Variants in BAZ2B observed in about 807,000 individuals in gnomAD.
The protein encoded by BAZ2B is bromodomain adjacent to zinc finger domain 2B, also known as bromodomain adjacent to zinc finger domain protein 2B.
BAZ2B carries 91 observed loss-of-function variants against 246.0 expected under a neutral mutation model. The ratio of observed to expected loss-of-function variants is 0.37; its 90% CI spans 0.31 to 0.44. The LOEUF is 0.44. Ranked by LOEUF, BAZ2B falls within the 20% of genes least tolerant of loss-of-function variation. The pLI, the probability that BAZ2B is intolerant of heterozygous loss-of-function variation, is 1.00. For synonymous variants in BAZ2B, 855 were observed against 860.0 expected (o/e 0.99, Z 0.10); for missense variants, 2,332 against 2,533.7 (o/e 0.92, Z 1.71).
chr2:159,674,082 C>A, the BAZ2B span, among the ~76,000 whole-genome samples: 4 of 151,564 alleles, frequency 2.6e-5, no homozygotes, highest in African/African-American at 9.7e-5. Context: ...GTGGCTGATA[C>A]TTGTAATCCC....
intron 31 of BAZ2B, among the ~76,000 whole-genome samples, chr2:159,338,303 G>A (rs2148984794): frequency 6.6e-6 from 1 of 152,254 alleles, no homozygotes; most frequent in African/African-American, 2.4e-5. Context: ...TAACATGAAA[G>A]GATCCTGATA....
intron 2 of BAZ2B, among the ~76,000 whole-genome samples, chr2:159,525,743 A>C (rs188890254): frequency 1.5e-3 from 227 of 152,340 alleles, no homozygotes; most frequent in Non-Finnish European, 2.6e-3. Context: ...TGACTCAATC[A>C]ATCAGTAAAG....
chr2:159,574,415 CA>C (rs780581546), intron 1 of BAZ2B, among the ~76,000 whole-genome samples: 7 of 152,066 alleles, frequency 4.6e-5, no homozygotes, highest in Non-Finnish European at 8.8e-5. Flanking sequence ...AACCCTTACA[CA>C]ATGCCAGTGG....
intron 21 of BAZ2B, 120 bp from the exon 22 acceptor site, chr2:159,386,727 T>C (rs1343787321): frequency 8.5e-7 from 1 of 1,177,010 alleles, no homozygotes; most frequent in African/African-American, 1.6e-5. Context: ...ATTGTACCAG[T>C]AGCTTCCTTT....
At chr2:159,424,422 G>GA (rs1183518007) in intron 13 of BAZ2B, among the ~76,000 whole-genome samples, 5 of 152,004 alleles carry the variant, frequency 3.3e-5, no homozygotes, top group African/African-American at 1.2e-4. Flanking sequence ...ATAAACTAGA[G>GA]AAAAACCCAG....
intron 13 of BAZ2B, among the ~76,000 whole-genome samples, chr2:159,422,867 A>AC (rs2069017355): frequency 2.0e-5 from 3 of 152,198 alleles, no homozygotes; most frequent in Non-Finnish European, 4.4e-5. Flanking sequence ...CAAACAAAAA[A>AC]TAACCCCATT....
chr2:159,440,523 T>TTG (rs1390062499), intron 6 of BAZ2B, among the ~76,000 whole-genome samples: 2 of 151,654 alleles, frequency 1.3e-5, no homozygotes, highest in South Asian at 2.1e-4. Context: ...TCTTGTTTTT[T>TTG]TTTTTTTTTT....
At chr2:159,323,697 G>A (rs1172629286) in intron 36 of BAZ2B, among the ~76,000 whole-genome samples, 2 of 151,814 alleles carry the variant, frequency 1.3e-5, no homozygotes, top group East Asian at 3.9e-4. Context: ...CCAGCTACTT[G>A]GGAGGCTGAG....
intron 8 of BAZ2B, chr2:159,438,079 G>C: frequency 2.2e-6 from 1 of 449,022 alleles, no homozygotes; most frequent in Non-Finnish European, 3.9e-6. Flanking sequence ...TTGCAGGGGA[G>C]CTGGAATGAC....
At chr2:159,361,665 T>C (rs771448020) in intron 27 of BAZ2B, among the ~76,000 whole-genome samples, 10 of 152,198 alleles carry the variant, frequency 6.6e-5, no homozygotes, top group African/African-American at 1.4e-4. Flanking sequence ...TGTATGTTTA[T>C]TGCAGCACTG....
At chr2:159,587,705 T>G (rs1395299278) in intron 1 of BAZ2B, among the ~76,000 whole-genome samples, 1 of 152,130 alleles carries the variant, frequency 6.6e-6, no homozygotes, top group Non-Finnish European at 1.5e-5. Flanking sequence ...AATCTAATTC[T>G]CCGGATGTAC....
Position 159,324,852 on chromosome 2 carries a change from A to T in BAZ2B, c.6312T>A (p.Pro2104=). The T allele has an allele frequency of 6.5e-7, 1 of 1,547,502 alleles. No homozygotes were observed. The highest frequency in any genetic ancestry group is 1.7e-4 in the Middle Eastern group (1 of 5,916). The change falls in exon 36 of 37, where the codon CCT becomes CCA. Residue 2104 remains proline, a synonymous_variant. Coordinates refer to ENST00000392783, the MANE Select transcript of BAZ2B (RefSeq NM_013450.4). Reference sequence around the variant, plus strand: ...TCTCTCTAATTGTGGAAAAATCCATAGGCTTCTTAATAACTTTCTTATAAC... The same window carrying T: ...TCTCTCTAATTGTGGAAAAATCCATTGGCTTCTTAATAACTTTCTTATAAC... ...VPGYKKVIKK[P]MDFSTIREKL...
intron 14 of BAZ2B, among the ~76,000 whole-genome samples, chr2:159,405,633 A>G (rs1462634872): frequency 6.6e-6 from 1 of 152,248 alleles, no homozygotes; most frequent in Non-Finnish European, 1.5e-5. Context: ...GGAAATAATC[A>G]AATTATTTCA....
intron 3 of BAZ2B, chr2:159,461,093 A>C (rs1053461753): frequency 6.6e-6 from 1 of 152,556 alleles, no homozygotes; most frequent in African/African-American, 2.4e-5. Flanking sequence ...CTGTTCCTTG[A>C]CTATATTACT....
the BAZ2B span, among the ~76,000 whole-genome samples, chr2:159,677,132 C>A: frequency 1.3e-5 from 2 of 150,798 alleles, no homozygotes; most frequent in African/African-American, 4.9e-5. Flanking sequence ...TAGTTACCAA[C>A]AAACACATAT....
chr2:159,440,788 T>C (rs145158223), intron 6 of BAZ2B, among the ~76,000 whole-genome samples: 8 of 152,164 alleles, frequency 5.3e-5, no homozygotes, highest in South Asian at 2.1e-4. Context: ...GGATTACAGG[T>C]GTGAGCCACC....
At chr2:159,703,039 G>A in the BAZ2B span, among the ~76,000 whole-genome samples, 29 of 147,304 alleles carry the variant, frequency 2.0e-4, no homozygotes, top group Non-Finnish European at 4.4e-4. Flanking sequence ...GCAAGACTCC[G>A]TCTCAAAACA....
intron 2 of BAZ2B, among the ~76,000 whole-genome samples, chr2:159,551,282 A>G (rs924113561): frequency 2.6e-5 from 4 of 152,124 alleles, no homozygotes; most frequent in African/African-American, 9.6e-5. Context: ...ATCCTGGCTA[A>G]CATGGTGAAA....
chr2:159,397,021 C>A (rs1218148592), intron 19 of BAZ2B: 1 of 1,302,636 alleles, frequency 7.7e-7, no homozygotes, highest in Non-Finnish European at 1.0e-6. Context: ...ACAACCATAT[C>A]ACAACCAAAT....
Sources: allele counts gnomAD v4.1 joint callset (sites outside exome capture counted in the v4.1 genomes callset), GRCh38; gene constraint gnomAD v4.1.1; transcripts MANE v1.5; gene names NCBI Gene and HGNC (gene_info 2026-07-23, HGNC 2026-07-21).